The following SOS1 variants were observed in gnomAD, a reference collection of about 807,000 sequenced individuals.
SOS1 encodes the protein son of sevenless homolog 1.
Under a neutral mutation model 157.6 loss-of-function variants are expected in SOS1, and 25 were observed. The observed-to-expected ratio is 0.16, with a 90% CI of 0.12 to 0.22. The LOEUF (loss-of-function observed/expected upper bound fraction) is 0.22, where lower values mean the gene tolerates loss of function less well. Ranked by LOEUF, SOS1 falls within the 10% of genes least tolerant of loss-of-function variation. The pLI is 1.00. For missense variants in SOS1, 1,237 were observed against 1,599.1 expected (o/e 0.77, Z 3.86); for synonymous variants, 528 against 534.0 (o/e 0.99, Z 0.16).
Position 39,120,810 on chromosome 2 carries a change from G to C in SOS1, c.-388C>G, listed in dbSNP as rs372010415. Among the ~76,000 whole-genome samples the C allele has an allele frequency of 6.6e-6, 1 of 150,518 alleles. No individual in the cohort carries two copies. Among genetic ancestry groups the C allele is most frequent in the South Asian group, 2.1e-4 (1 of 4,814 alleles). ...TGGCCCCGCGGCGGAGCTGGCGGCT[G>C]GGGGAGGACGTGTGGAGGGACGCTC... On this transcript the variant is annotated 5_prime_UTR_variant, in exon 1 of 23. Transcript: ENST00000402219.
At chr2:39,079,526 G>A (rs1372141068) in intron 1 of SOS1, among the ~76,000 whole-genome samples, 2 of 115,648 alleles carry the variant, frequency 1.7e-5, no homozygotes, top group South Asian at 5.3e-4. Context: ...ACGGAGTCTC[G>A]CTCTGTCGCC....
chr2:39,066,302 T>C (rs1291477019), intron 2 of SOS1, among the ~76,000 whole-genome samples: 1 of 152,220 alleles, frequency 6.6e-6, no homozygotes, highest in Admixed American at 6.5e-5. Context: ...CACCATTCAG[T>C]CCAACTATCT....
intron 1 of SOS1, among the ~76,000 whole-genome samples, chr2:39,075,915 T>C (rs1671956664): frequency 6.6e-6 from 1 of 152,144 alleles, no homozygotes; most frequent in Non-Finnish European, 1.5e-5. Flanking sequence ...ATAAAACATT[T>C]CTAATGGTTT....
chr2:39,048,730 T>C (rs914855756), intron 6 of SOS1, among the ~76,000 whole-genome samples: 3 of 152,168 alleles, frequency 2.0e-5, no homozygotes, highest in Admixed American at 6.5e-5. Context: ...TTTGATGTTC[T>C]ATAGTTTCAC....
At chr2:39,058,039 T>C (rs1004350655) in intron 3 of SOS1, among the ~76,000 whole-genome samples, 5 of 152,154 alleles carry the variant, frequency 3.3e-5, no homozygotes, top group Non-Finnish European at 7.4e-5. Flanking sequence ...GCATTTTGTC[T>C]GTATTATAGT....
chr2:39,066,513 C>A (rs777771245), intron 2 of SOS1, among the ~76,000 whole-genome samples: 1 of 152,186 alleles, frequency 6.6e-6, no homozygotes, highest in African/African-American at 2.4e-5. Flanking sequence ...CGACTCCTTC[C>A]GAACTCAGTT....
chr2:39,106,605 A>C (rs1426299109), intron 1 of SOS1, among the ~76,000 whole-genome samples: 2 of 149,146 alleles, frequency 1.3e-5, no homozygotes, highest in Non-Finnish European at 3.0e-5. Flanking sequence ...AAAAAAACAA[A>C]AAAAAAAACA....
intron 17 of SOS1, among the ~76,000 whole-genome samples, chr2:39,003,478 G>A (rs187432917): frequency 7.8e-4 from 118 of 152,222 alleles, no homozygotes; most frequent in African/African-American, 2.6e-3. Context: ...TATGTAAGGC[G>A]TAACATAGAA....
intron 1 of SOS1, among the ~76,000 whole-genome samples, chr2:39,103,297 G>A (rs970032344): frequency 3.3e-5 from 5 of 151,982 alleles, no homozygotes; most frequent in Non-Finnish European, 5.9e-5. Flanking sequence ...TTGCAGAAAC[G>A]GAAATGCTGA....
At chr2:39,118,518 T>C (rs1673743056) in intron 1 of SOS1, among the ~76,000 whole-genome samples, 1 of 152,210 alleles carries the variant, frequency 6.6e-6, no homozygotes, top group African/African-American at 2.4e-5. Flanking sequence ...CCTCCTCCTA[T>C]CACTTCTACT....
At chr2:39,057,810 C>A (rs1048962130) in intron 3 of SOS1, among the ~76,000 whole-genome samples, 2 of 152,030 alleles carry the variant, frequency 1.3e-5, no homozygotes, top group South Asian at 2.1e-4. Context: ...ATTCAAAGAA[C>A]TGAATGCAAA....
chr2:39,022,939 G>T lies in SOS1; in HGVS notation c.1489C>A (p.Arg497=), dbSNP rs542368621. 2.1e-5 allele frequency: 34 copies of T among 1,613,164 alleles called. No individual in the cohort carries two copies. The African/African-American group carries it at 4.4e-4, about 21-fold the overall frequency. The change falls in exon 10 of 23, where the codon CGA becomes AGA. Residue 497 remains arginine (R), a synonymous_variant. Transcript: ENST00000402219. ...EYRLKEKFFM[R]KVQINDKDDT... ...TCTTTATCATTAATTTGTACCTTTCGCATAAAAAACTTTTCTTTAAGACGA... is the reference window on the plus strand; with the variant it reads ...TCTTTATCATTAATTTGTACCTTTCTCATAAAAAACTTTTCTTTAAGACGA...
chr2:38,997,385 G>C lies in SOS1; in HGVS notation c.2832C>G (p.Asn944Lys). ...LTNILKTEEG[N>K]PEVLKRHGKE... is the part of the protein sequence containing the mutation. ...TTCCATGTCTTTTTAGGACCTCAGG[G>C]TTGCCTTCTTCTGTTTTCAAGATAT... Residue 944 changes from asparagine to lysine, a missense_variant, in exon 18 of 23, where the codon AAC (asparagine) becomes AAG (lysine). Transcript: ENST00000402219. The C allele has an allele frequency of 6.2e-7, 1 of 1,611,358 alleles. No homozygotes were observed. Among genetic ancestry groups the C allele is most frequent in the Non-Finnish European group, 8.5e-7 (1 of 1,177,938 alleles).
At chr2:39,019,903 ATAT>A (rs370169054) in intron 10 of SOS1, among the ~76,000 whole-genome samples, 129 of 151,716 alleles carry the variant, frequency 8.5e-4, no homozygotes, top group African/African-American at 3.1e-3. Flanking sequence ...CAAGCCATTT[ATAT>A]TATTGGCAGT....
intron 8 of SOS1, among the ~76,000 whole-genome samples, chr2:39,024,745 G>A (rs1669902836): frequency 6.6e-6 from 1 of 152,112 alleles, no homozygotes; most frequent in African/African-American, 2.4e-5. Flanking sequence ...TTTAGGGGTT[G>A]TTATTAAAAA....
chr2:39,033,915 C>G (rs1232468741), intron 8 of SOS1, among the ~76,000 whole-genome samples: 1 of 150,830 alleles, frequency 6.6e-6, no homozygotes, highest in Non-Finnish European at 1.5e-5. Flanking sequence ...TCATTACAGG[C>G]TCAGGTTAAA....
intron 1 of SOS1, among the ~76,000 whole-genome samples, chr2:39,093,938 T>C (rs1376532489): frequency 6.6e-6 from 1 of 152,218 alleles, no homozygotes; most frequent in African/African-American, 2.4e-5. Flanking sequence ...AAAAATACAG[T>C]ATTGATAATA....
intron 1 of SOS1, among the ~76,000 whole-genome samples, chr2:39,078,518 C>CT (rs1672092923): frequency 1.8e-5 from 1 of 56,650 alleles, no homozygotes; most frequent in Non-Finnish European, 3.9e-5. Flanking sequence ...GGAACCAGGC[C>CT]ACAGAGCAGG....
intron 2 of SOS1, among the ~76,000 whole-genome samples, chr2:39,065,280 G>T (rs1210204952): frequency 6.6e-6 from 1 of 152,130 alleles, no homozygotes; most frequent in East Asian, 1.9e-4. Flanking sequence ...CCAAATGTTT[G>T]TGCCCCTCCC....
Sources: allele counts gnomAD v4.1 joint callset (sites outside exome capture counted in the v4.1 genomes callset), GRCh38; gene constraint gnomAD v4.1.1; transcripts MANE v1.5; gene names NCBI Gene and HGNC (gene_info 2026-07-23, HGNC 2026-07-21).